ZNF721: variants seen among roughly 807,000 people sequenced by gnomAD.
ZNF721 encodes the protein zinc finger protein 721.
A neutral mutation model predicts 2.4 loss-of-function variants in ZNF721; 2 were observed. The observed-to-expected ratio is 0.82, with a 90% CI of 0.34 to 2.58. The LOEUF is 2.58. Ranked by LOEUF, ZNF721 falls within the 30% of genes most tolerant of loss-of-function variation. The probability of loss-of-function intolerance (pLI) is 0.11; values close to 1 mark genes in which losing one functional copy is unlikely to be tolerated. For synonymous variants in ZNF721, 398 were observed against 381.8 expected (o/e 1.04, Z -0.50); for missense variants, 1,187 against 1,085.5 (o/e 1.09, Z -1.31).
In ZNF721 at chr4:443,274, A is replaced by G; in HGVS notation, c.1193T>C (p.Phe398Ser). The change falls in exon 3 of 3, where the codon TTT (phenylalanine) becomes TCT (serine). Residue 398 changes from phenylalanine (F) to serine (S), a missense_variant. By Grantham distance (155) the Phe-to-Ser change is radical. Coordinates refer to ENST00000511833, the MANE Select transcript of ZNF721 (RefSeq NM_133474.4). ...TGCAGTAAGGTTTGTTGAACTATTA[A>G]AGGCTTTGCCACACTCTTCACATTT... ...PYKCEECGKAFNSSTNLTAHK... is the reference protein window; with the variant it reads ...PYKCEECGKASNSSTNLTAHK... The G allele has an allele frequency of 1.9e-6, 3 of 1,613,966 alleles. No individual in the cohort carries two copies. The highest frequency in any genetic ancestry group is 2.5e-6 in the Non-Finnish European group (3 of 1,179,982).
intron 1 of ZNF721, chr4:474,102 G>A (rs1715556994): frequency 5.5e-6 from 7 of 1,280,224 alleles, no homozygotes; most frequent in Non-Finnish European, 7.4e-6. Context: ...AGGTGTGGAA[G>A]CAGGGAAGTG....
intron 1 of ZNF721, among the ~76,000 whole-genome samples, chr4:494,893 A>ATT (rs34855684): frequency 0.025 from 3,422 of 139,330 alleles, 107 homozygotes; most frequent in African/African-American, 0.07. Flanking sequence ...CAGTGCACTT[A>ATT]TTTTTTTTTT....
intron 1 of ZNF721, among the ~76,000 whole-genome samples, chr4:483,883 C>T (rs1553869870): frequency 6.6e-6 from 1 of 152,192 alleles, no homozygotes; most frequent in African/African-American, 2.4e-5. Flanking sequence ...ACGATCTCAG[C>T]TCACTGCAAC....
intron 2 of ZNF721, among the ~76,000 whole-genome samples, chr4:467,578 G>T (rs1336539490): frequency 6.6e-6 from 1 of 152,234 alleles, no homozygotes; most frequent in Non-Finnish European, 1.5e-5. Context: ...CATAGACATG[G>T]CTACAGACAA....
intron 1 of ZNF721, among the ~76,000 whole-genome samples, chr4:485,899 G>T (rs1392749936): frequency 6.6e-6 from 1 of 152,144 alleles, no homozygotes; most frequent in African/African-American, 2.4e-5. Flanking sequence ...TGCTTGAACC[G>T]AGGAGGTAGA....
intron 2 of ZNF721, 100 bp downstream of exon 2, chr4:472,473 GAC>G: frequency 1.6e-6 from 2 of 1,254,504 alleles, no homozygotes; most frequent in South Asian, 1.5e-5. Flanking sequence ...GTGTGTGTGA[GAC>G]ACACATTTTT....
intron 2 of ZNF721, among the ~76,000 whole-genome samples, chr4:451,738 A>C (rs1553864889): frequency 1.3e-5 from 2 of 152,214 alleles, no homozygotes; most frequent in Non-Finnish European, 2.9e-5. Flanking sequence ...CATTTCCTGC[A>C]CAGAACATTT....
At chr4:482,126 A>G (rs1576970820) in intron 1 of ZNF721, among the ~76,000 whole-genome samples, 1 of 152,228 alleles carries the variant, frequency 6.6e-6, no homozygotes. Flanking sequence ...CACAGGTCGC[A>G]TATTGCACAT....
chr4:444,278 C>A lies in ZNF721; in HGVS notation c.189G>T (p.Lys63Asn). 6.2e-7 allele frequency: 1 copy of A among 1,613,974 alleles called. No individual in the cohort carries two copies. The highest frequency in any genetic ancestry group is 8.5e-7 in the Non-Finnish European group (1 of 1,179,948). ...CKSMNVCKVQ[K>N]GVYNGINKCL... is the part of the protein sequence containing the mutation. ...ATTTATTAATTCCATTATAAACTCC[C>A]TTCTGCACTTTACACACGTTCATAC... is the stretch of plus-strand genomic sequence containing the variant. The change falls in exon 3 of 3, where the codon AAG becomes AAT. Residue 63 changes from lysine to asparagine, a missense_variant. Transcript: ENST00000511833.
Position 440,658 on chromosome 4 carries a change from G to GTT in ZNF721, c.*1035_*1036dup, listed in dbSNP as rs1560221828. The GTT allele has an allele frequency of 6.6e-6, 1 of 152,060 alleles. No individual in the cohort carries two copies. The highest frequency in any genetic ancestry group is 1.5e-5 in the Non-Finnish European group (1 of 68,000). The allele number at this position is 152,060 out of a possible 1,614,324, so 9.4% of individuals were successfully genotyped here. ...TATATTCTAGTAAAAATTCTCTGGTGTTTCTTTTCTTTTTATCTTGTTTTG... is the reference window on the plus strand; with the variant it reads ...TATATTCTAGTAAAAATTCTCTGGTGTTTTTCTTTTCTTTTTATCTTGTTTTG... On this transcript the variant is annotated 3_prime_UTR_variant, in exon 3 of 3. Transcript: ENST00000511833.
intron 2 of ZNF721, among the ~76,000 whole-genome samples, chr4:462,520 A>C (rs1715100598): frequency 6.6e-6 from 1 of 152,228 alleles, no homozygotes; most frequent in East Asian, 1.9e-4. Context: ...AGGCTACAGG[A>C]ACCAAAACAG....
rs781811356 is a variant in ZNF721, at chr4:457,465, T to C, written c.35-13033A>G. 3.7e-4 allele frequency among the ~76,000 whole-genome samples: 57 copies of C among 152,364 alleles called. 1 individual carries two copies. Among genetic ancestry groups the C allele is most frequent in the African/African-American group, 1.3e-3 (54 of 41,588 alleles). ...AATAAAATGTGTCCAATTTTCATTGTAGACTTAGCTGTAGACCATTTGGTT... is the reference window on the plus strand; with the variant it reads ...AATAAAATGTGTCCAATTTTCATTGCAGACTTAGCTGTAGACCATTTGGTT... On this transcript the variant is annotated intron_variant, in intron 2 of 2. Coordinates refer to ENST00000511833, the MANE Select transcript of ZNF721 (RefSeq NM_133474.4).
At chr4:466,115 G>A (rs1553866750) in intron 2 of ZNF721, among the ~76,000 whole-genome samples, 2 of 151,488 alleles carry the variant, frequency 1.3e-5, no homozygotes, top group African/African-American at 4.9e-5. Context: ...TCCTGCCTCA[G>A]CCTCAGTTAT....
chr4:473,283 C>T lies in ZNF721; in HGVS notation c.-93-582G>A, dbSNP rs1553868037. ...CGTCTTTTATCAAGTCTCCTGTTAA[C>T]GGTGATGCTCCTCCACCTGGACCCA... On this transcript the variant is annotated intron_variant, in intron 1 of 2. Transcript: ENST00000511833. Among the ~76,000 whole-genome samples the T allele has an allele frequency of 2.0e-5, 3 of 152,278 alleles. No individual in the cohort carries two copies. In the East Asian group the frequency reaches 5.8e-4, roughly 29 times the overall value.
chr4:457,812 G>A (rs1269740087), intron 2 of ZNF721, among the ~76,000 whole-genome samples: 1 of 152,204 alleles, frequency 6.6e-6, no homozygotes, highest in Non-Finnish European at 1.5e-5. Flanking sequence ...AGACACACCT[G>A]TATGTGCCCC....
rs782240604 is a variant in ZNF721, at chr4:441,831, T to A, written c.2636A>T (p.Asn879Ile). The A allele has an allele frequency of 1.2e-6, 2 of 1,613,808 alleles. No individual in the cohort carries two copies. Among genetic ancestry groups the A allele is most frequent in the African/African-American group, 2.7e-5 (2 of 74,896 alleles). The change falls in exon 3 of 3, where the codon AAT (asparagine) becomes ATT (isoleucine). Residue 879 changes from asparagine (N) to isoleucine (I), a missense_variant. Asn to Ile is a moderately radical substitution (Grantham distance 149). Transcript: ENST00000511833. ...ATGAATTTTCTTATGCGCATAAAGA[T>A]TTGCAGACTGTCTAAAGGTTTTGCC... ...ECGKTFRQSA[N>I]LYAHKKIHTG...
At chr4:474,546 A>G (rs1471172476) in intron 1 of ZNF721, among the ~76,000 whole-genome samples, 4 of 152,096 alleles carry the variant, frequency 2.6e-5, no homozygotes, top group Admixed American at 2.6e-4. Flanking sequence ...TTTGAGTAGG[A>G]CACCTGAGAT....
chr4:490,884 G>A (rs1378934936), intron 1 of ZNF721, among the ~76,000 whole-genome samples: 1 of 151,694 alleles, frequency 6.6e-6, no homozygotes, highest in Non-Finnish European at 1.5e-5. Flanking sequence ...AAGCCGGGAG[G>A]TGGAGGTTGC....
At chr4:477,383 G>A (rs1331162012) in intron 1 of ZNF721, among the ~76,000 whole-genome samples, 2 of 149,214 alleles carry the variant, frequency 1.3e-5, no homozygotes, top group African/African-American at 2.5e-5. Flanking sequence ...GACTACAGGC[G>A]CCAGCCAACA....
Sources: gnomAD v4.1 joint callset for allele counts (sites outside exome capture counted in the v4.1 genomes callset) on GRCh38, gnomAD v4.1.1 for gene constraint, MANE v1.5 for transcripts, NCBI Gene and HGNC (gene_info 2026-07-23, HGNC 2026-07-21) for gene names.